ZNF469: variants seen among roughly 807,000 people sequenced by gnomAD.
The protein encoded by ZNF469 is zinc finger protein 469.
Under a neutral mutation model 1.0 loss-of-function variants are expected in ZNF469, and 1 was observed. The observed-to-expected ratio is 1.00, with a 90% CI of 0.35 to 4.73. ZNF469 has a LOEUF of 4.73. Among genes scored for constraint, ZNF469 ranks in the 30% most tolerant of loss-of-function variants. The pLI is 0.16. For synonymous variants in ZNF469, 2,703 were observed against 2,363.4 expected (o/e 1.14, Z -4.17); for missense variants, 6,100 against 5,356.3 (o/e 1.14, Z -4.33).
chr16:88,206,613 G>A, the ZNF469 span, among the ~76,000 whole-genome samples: 5 of 151,894 alleles, frequency 3.3e-5, no homozygotes, highest in Non-Finnish European at 7.4e-5. Flanking sequence ...GTCCAGCCCA[G>A]CAGCCAGAGT....
chr16:88,380,357 TCA>T (rs199965888), upstream of ZNF469, among the ~76,000 whole-genome samples: 230 of 67,254 alleles, frequency 3.4e-3, 11 homozygotes, highest in African/African-American at 0.015. Context: ...ACACATGCGC[TCA>T]CACACAGACA....
chr16:88,211,344 G>A, the ZNF469 span, among the ~76,000 whole-genome samples: 3 of 152,228 alleles, frequency 2.0e-5, no homozygotes, highest in Non-Finnish European at 4.4e-5. Context: ...CGTCTACAAG[G>A]CAGGCATTAG....
chr16:88,234,016 A>T, the ZNF469 span, among the ~76,000 whole-genome samples: 4 of 152,126 alleles, frequency 2.6e-5, no homozygotes, highest in African/African-American at 9.7e-5. Flanking sequence ...TAAACGATGA[A>T]ATTATCTTTT....
At chr16:88,364,489 CAAAAAA>C in the ZNF469 span, among the ~76,000 whole-genome samples, 9 of 56,142 alleles carry the variant, frequency 1.6e-4, no homozygotes, top group Non-Finnish European at 2.2e-4. Flanking sequence ...TGTTGATTTC[CAAAAAA>C]AAAAAAAAAA....
rs1460815473 is a variant in ZNF469, at chr16:88,429,032, T to C, written c.1562T>C (p.Leu521Pro). 10 of 1,549,520 alleles carry C rather than the reference T, an allele frequency of 6.5e-6. No homozygotes were observed. Among genetic ancestry groups the C allele is most frequent in the Non-Finnish European group, 8.7e-6 (10 of 1,146,796 alleles). ...PEWQGGSQGA[L>P]GTAGKTPGPR... ...TGGCAGGGGGGCAGCCAAGGAGCCC[T>C]GGGCACTGCTGGCAAGACACCGGGA... Residue 521 changes from leucine (L) to proline (P), a missense_variant, in exon 3 of 3, where the codon CTG becomes CCG. Physicochemically the swap from Leu to Pro is moderately conservative, Grantham distance 98. Transcript: ENST00000565624.
At chr16:88,313,124 G>A in the ZNF469 span, among the ~76,000 whole-genome samples, 4,440 of 152,220 alleles carry the variant, frequency 0.029, 217 homozygotes, top group African/African-American at 0.1. Flanking sequence ...GCATCCCTCC[G>A]CTGTGCCTCC....
At chr16:88,122,777 G>A in the ZNF469 span, among the ~76,000 whole-genome samples, 3 of 135,846 alleles carry the variant, frequency 2.2e-5, no homozygotes, top group Non-Finnish European at 4.6e-5. Context: ...TCTTAGCTCT[G>A]TGTGTATATA....
chr16:88,399,474 G>A (rs373594893), intron 1 of ZNF469, among the ~76,000 whole-genome samples: 2 of 152,124 alleles, frequency 1.3e-5, no homozygotes, highest in Admixed American at 6.5e-5. Context: ...GCAGATGCCC[G>A]TGGGCCAGGC....
At position 88,439,700 on chromosome 16, in the gene ZNF469, T is replaced by G; in HGVS notation, c.*368T>G. 3 of 300,024 alleles carry G rather than the reference T, an allele frequency of 1.0e-5. No homozygotes were observed. Among genetic ancestry groups the G allele is most frequent in the Non-Finnish European group, 1.3e-5 (2 of 157,220 alleles). The allele number at this position is 300,024 out of a possible 1,614,324, so 18.6% of individuals were successfully genotyped here. On this transcript the variant is annotated 3_prime_UTR_variant, in exon 3 of 3. Transcript: ENST00000565624. ...GTTTGGAGATTTGCACAACCTCCCG[T>G]TCCCCCACATGGAGAAGGGAAGTAA...
At chr16:88,172,713 A>T in the ZNF469 span, among the ~76,000 whole-genome samples, 209 of 152,370 alleles carry the variant, frequency 1.4e-3, no homozygotes, top group African/African-American at 5.0e-3. Flanking sequence ...AATGTTTTCC[A>T]TGTGTTCAAG....
the ZNF469 span, among the ~76,000 whole-genome samples, chr16:88,203,020 C>A: frequency 6.6e-6 from 1 of 152,110 alleles, no homozygotes; most frequent in African/African-American, 2.4e-5. Context: ...CAGTCACAAC[C>A]GTAGGGAGAG....
chr16:88,277,234 C>T, the ZNF469 span, among the ~76,000 whole-genome samples: 11 of 149,144 alleles, frequency 7.4e-5, no homozygotes, highest in East Asian at 2.0e-4. Flanking sequence ...GCCACACCGA[C>T]GCTCAGTCAG....
At chr16:88,157,027 G>A in the ZNF469 span, among the ~76,000 whole-genome samples, 10 of 152,212 alleles carry the variant, frequency 6.6e-5, no homozygotes, top group South Asian at 2.1e-4. Flanking sequence ...GATGGGCCTC[G>A]GTGCCGGGGT....
the ZNF469 span, among the ~76,000 whole-genome samples, chr16:88,131,993 C>T: frequency 7.2e-5 from 11 of 152,210 alleles, no homozygotes; most frequent in African/African-American, 2.2e-4. Context: ...GACAGGGCAG[C>T]GATGCTCCGC....
At position 88,428,416 on chromosome 16, in the gene ZNF469, G is replaced by A. The variant is rs368772806; in HGVS notation, c.946G>A (p.Glu316Lys). 1,111 of 1,548,202 alleles carry A rather than the reference G, an allele frequency of 7.2e-4. 19 individuals carry two copies. In the East Asian group the frequency reaches 0.021, roughly 29 times the overall value. ...FHQPQGAWPE[E>K]AVGTGPAYPL... Reference sequence around the variant, plus strand: ...TCAGCCCCAGGGAGCGTGGCCGGAGGAGGCCGTGGGCACGGGCCCTGCCTA... The same window carrying A: ...TCAGCCCCAGGGAGCGTGGCCGGAGAAGGCCGTGGGCACGGGCCCTGCCTA... The change falls in exon 3 of 3, where the codon GAG (glutamate) becomes AAG (lysine). Residue 316 changes from glutamate to lysine, a missense_variant. Physicochemically the swap from Glu to Lys is moderately conservative, Grantham distance 56 (BLOSUM62 1). Coordinates refer to ENST00000565624, the MANE Select transcript of ZNF469 (RefSeq NM_001367624.2).
At position 88,435,690 on chromosome 16, in the gene ZNF469, G is replaced by T; in HGVS notation, c.8220G>T (p.Leu2740=). The change falls in exon 3 of 3, where the codon CTG becomes CTT. Residue 2740 remains leucine (L), a synonymous_variant. Transcript: ENST00000565624. ...CAGGGAGGATGGATGGTGCAGCTCTGGGGGAACAGCCAACTGGGCAGAAGG... is the reference window on the plus strand; with the variant it reads ...CAGGGAGGATGGATGGTGCAGCTCTTGGGGAACAGCCAACTGGGCAGAAGG... The part of the protein sequence containing the change: ...LCPGRMDGAA[L]GEQPTGQKGA... 1 of 1,550,654 alleles carries T rather than the reference G, an allele frequency of 6.4e-7. No individual in the cohort carries two copies. The highest frequency in any genetic ancestry group is 8.7e-7 in the Non-Finnish European group (1 of 1,146,992).
chr16:88,102,716 A>G, the ZNF469 span, among the ~76,000 whole-genome samples: 11 of 152,200 alleles, frequency 7.2e-5, no homozygotes, highest in African/African-American at 2.2e-4. Flanking sequence ...CAGACGCCGT[A>G]CTTGGATTGG....
chr16:88,206,159 G>C, the ZNF469 span, among the ~76,000 whole-genome samples: 3 of 152,216 alleles, frequency 2.0e-5, no homozygotes, highest in Non-Finnish European at 4.4e-5. Context: ...GCTGTGCCCG[G>C]AGACGGCACC....
At chr16:88,415,443 C>A (rs1567504884) in intron 1 of ZNF469, among the ~76,000 whole-genome samples, 1 of 152,216 alleles carries the variant, frequency 6.6e-6, no homozygotes, top group Non-Finnish European at 1.5e-5. Flanking sequence ...GTCCTGGGAA[C>A]CCAGGGGCCT....
Sources: gnomAD v4.1 joint callset for allele counts (sites outside exome capture counted in the v4.1 genomes callset) on GRCh38, gnomAD v4.1.1 for gene constraint, MANE v1.5 for transcripts, NCBI Gene and HGNC (gene_info 2026-07-23, HGNC 2026-07-21) for gene names.